The following MEIOSIN variants were observed in gnomAD, a reference collection of about 807,000 sequenced individuals.
The protein encoded by MEIOSIN is meiosis initiator.
MEIOSIN carries 18 observed loss-of-function variants against 23.4 expected under a neutral mutation model. The ratio of observed to expected loss-of-function variants is 0.77; its 90% CI spans 0.53 to 1.14. The LOEUF is 1.14. Among genes scored for constraint, MEIOSIN ranks in the 50% most tolerant of loss-of-function variants. The pLI, the probability that MEIOSIN is intolerant of heterozygous loss-of-function variation, is 0.00. For missense variants in MEIOSIN, 428 were observed against 242.9 expected, an observed-to-expected ratio of 1.76 and a Z score of -5.07; for synonymous variants, 187 against 100.6, an observed-to-expected ratio of 1.86 and a Z score of -5.14.
At chr19:45,741,726 A>G (rs1240326232) in intron 3 of MEIOSIN, among the ~76,000 whole-genome samples, 1 of 152,104 alleles carries the variant, frequency 6.6e-6, no homozygotes, top group African/African-American at 2.4e-5. Flanking sequence ...CCAACCAACC[A>G]ACCAACCAAT....
At position 45,750,764 on chromosome 19, in the gene MEIOSIN, C is replaced by T; in HGVS notation, c.396C>T (p.Thr132=). ...AAKALFKCHI[T]TGEGGLAGLG... is the part of the protein sequence containing the mutation. ...AGGCCTTGTTCAAATGCCACATCAC[C>T]ACTGGGGAAGGTGGACTTGCGGGTA... Residue 132 remains threonine (T), a synonymous_variant, in exon 5 of 15, where the codon ACC becomes ACT. Coordinates refer to ENST00000457052, the MANE Select transcript of MEIOSIN (RefSeq NM_001310124.2). 1 of 639,744 alleles carries T rather than the reference C, an allele frequency of 1.6e-6. No individual in the cohort carries two copies. The highest frequency in any genetic ancestry group is 1.8e-5 in the South Asian group (1 of 56,574). The allele number at this position is 639,744 out of a possible 1,614,324, so 39.6% of individuals were successfully genotyped here.
At chr19:45,736,354 GTCTT>G (rs1375360033) in intron 2 of MEIOSIN, among the ~76,000 whole-genome samples, 5 of 151,892 alleles carry the variant, frequency 3.3e-5, no homozygotes, top group Admixed American at 2.6e-4. Flanking sequence ...CATTCTGAGT[GTCTT>G]TCTTTCTTTC....
chr19:45,762,677 G>A (rs1169855825), intron 13 of MEIOSIN, among the ~76,000 whole-genome samples: 3 of 152,202 alleles, frequency 2.0e-5, no homozygotes, highest in Non-Finnish European at 2.9e-5. Flanking sequence ...CTCACCTCAA[G>A]TGATCTGCCT....
chr19:45,751,734 CTT>C (rs35105394), intron 5 of MEIOSIN, among the ~76,000 whole-genome samples: 90 of 139,542 alleles, frequency 6.4e-4, no homozygotes, highest in Admixed American at 7.2e-4. Flanking sequence ...TTCTTTCTTT[CTT>C]TTTTTTTTTT....
At chr19:45,744,495 C>T (rs1039890434) in intron 3 of MEIOSIN, among the ~76,000 whole-genome samples, 1 of 151,770 alleles carries the variant, frequency 6.6e-6, no homozygotes, top group Non-Finnish European at 1.5e-5. Flanking sequence ...GTTTTTGAGA[C>T]GGAGTTTGTT....
rs1968957006 is a variant in MEIOSIN at position 45,762,089 on chromosome 19, GAGA to G, written c.1593_1595del (p.Lys532del). On this transcript the variant is annotated inframe_deletion, in exon 13 of 15. Transcript: ENST00000457052. ...AGCCAGGGCCCCTGTGAAGCCCAAG[GAGA>G]AGAAGAAAGGCCCCTGCCCACCCCA... is the stretch of plus-strand genomic sequence containing the variant. The G allele has an allele frequency of 8.9e-6, 4 of 451,382 alleles. No individual in the cohort carries two copies. The highest frequency in any genetic ancestry group is 4.0e-5 in the African/African-American group (2 of 50,090). The allele number at this position is 451,382 out of a possible 1,614,324, so 28.0% of individuals were successfully genotyped here.
In MEIOSIN at chr19:45,754,681, G is replaced by C. The variant is rs768979514; in HGVS notation, c.759G>C (p.Thr253=). The C allele has an allele frequency of 4.3e-6, 3 of 703,078 alleles. No individual in the cohort carries two copies. In the South Asian group the frequency reaches 4.4e-5, roughly 10 times the overall value. The allele number at this position is 703,078 out of a possible 1,614,324, so 43.6% of individuals were successfully genotyped here. The change falls in exon 7 of 15, where the codon ACG becomes ACC. Residue 253 remains threonine (T), a synonymous_variant. Coordinates refer to ENST00000457052, the MANE Select transcript of MEIOSIN (RefSeq NM_001310124.2). Reference sequence around the variant, plus strand: ...GAAAAGGAGGACAGTCCCAGCTGACGCTGTTGGATCTGGCCGAGGACACCA... The same window carrying C: ...GAAAAGGAGGACAGTCCCAGCTGACCCTGTTGGATCTGGCCGAGGACACCA... ...GDRKGGQSQL[T]LLDLAEDTIH...
chr19:45,750,140 A>G (rs1968672157), intron 4 of MEIOSIN, among the ~76,000 whole-genome samples: 1 of 144,180 alleles, frequency 6.9e-6, no homozygotes, highest in East Asian at 2.3e-4. Flanking sequence ...ACCCACCCCA[A>G]CAATTCTTCA....
At chr19:45,738,127 A>G (rs1192201243) in intron 2 of MEIOSIN, among the ~76,000 whole-genome samples, 1 of 152,122 alleles carries the variant, frequency 6.6e-6, no homozygotes, top group Non-Finnish European at 1.5e-5. Flanking sequence ...TATAGAGGGA[A>G]TTTTCACAGC....
At chr19:45,743,830 AT>A (rs1041463377) in intron 3 of MEIOSIN, among the ~76,000 whole-genome samples, 19 of 150,444 alleles carry the variant, frequency 1.3e-4, no homozygotes, top group African/African-American at 4.6e-4. Context: ...CCAACTTTTT[AT>A]TTTTTCATAA....
intron 3 of MEIOSIN, 108 bp downstream of exon 3, chr19:45,739,838 A>G (rs1218533862): frequency 3.1e-6 from 2 of 637,480 alleles, no homozygotes; most frequent in African/African-American, 3.7e-5. Context: ...CTGTACACAC[A>G]TGCTTTCTTT....
In MEIOSIN at chr19:45,761,837, C is replaced by CTCCA. The variant is rs1300283358; in HGVS notation, c.1404_1405insTCCA (p.Asp469SerfsTer45). On this transcript the variant is annotated frameshift_variant, in exon 12 of 15. Transcript: ENST00000457052. LOFTEE classifies it high-confidence loss of function. ...GCTCCAGCTCCAGCTCGGAGGACAG[C>CTCCA]GACTCGGAGCCCCTGTGGAAGCAGC... The CTCCA allele has an allele frequency of 1.7e-6, 1 of 594,368 alleles. No individual in the cohort carries two copies. The highest frequency in any genetic ancestry group is 2.1e-5 in the South Asian group (1 of 46,844). 36.8% of individuals were successfully genotyped at this position (594,368 alleles called of 1,614,324 possible). A position where few individuals can be genotyped will look rare whatever the true frequency, so the allele number is the denominator to read the frequency against.
Position 45,756,168 on chromosome 19 carries a change from G to A in MEIOSIN, c.911+90G>A, listed in dbSNP as rs766424494. ...GTAGTGGGAAGACAGGCCAAGTCACGTCCTCTGCGGGTGCCCCTTGAGCAC... is the reference window on the plus strand; with the variant it reads ...GTAGTGGGAAGACAGGCCAAGTCACATCCTCTGCGGGTGCCCCTTGAGCAC... On this transcript the variant is annotated intron_variant, in intron 8 of 14. Coordinates refer to ENST00000457052, the MANE Select transcript of MEIOSIN (RefSeq NM_001310124.2). 1.2e-5 allele frequency: 8 copies of A among 661,336 alleles called. No individual in the cohort carries two copies. The South Asian group carries it at 1.3e-4, about 11-fold the overall frequency. 41.0% of individuals were successfully genotyped at this position (661,336 alleles called of 1,614,324 possible).
chr19:45,759,568 C>A, intron 11 of MEIOSIN, 78 bp downstream of exon 11: 1 of 689,456 alleles, frequency 1.5e-6, no homozygotes, highest in Non-Finnish European at 2.7e-6. Context: ...TTCATTCACT[C>A]ATCCACTCCC....
intron 8 of MEIOSIN, 89 bp from the exon 9 acceptor site, chr19:45,757,088 C>G: frequency 1.5e-6 from 1 of 652,246 alleles, no homozygotes; most frequent in South Asian, 1.7e-5. Flanking sequence ...AGCACTCCCC[C>G]AGGGGCCAGT....
rs977637984 is a variant in MEIOSIN, at chr19:45,752,209, A to G, written c.418+1423A>G. Among the ~76,000 whole-genome samples, 3 of 150,946 alleles carry G rather than the reference A, an allele frequency of 2.0e-5. No individual in the cohort carries two copies. The East Asian group carries it at 5.9e-4, about 29-fold the overall frequency. Reference sequence around the variant, plus strand: ...CTTGTACTACAGGCACGTGCCACCAATATCCAGATAATTTTCTTTTTTTTG... The same window carrying G: ...CTTGTACTACAGGCACGTGCCACCAGTATCCAGATAATTTTCTTTTTTTTG... On this transcript the variant is annotated intron_variant, in intron 5 of 14. Transcript: ENST00000457052.
At chr19:45,758,157 C>A (rs1407758435) in intron 9 of MEIOSIN, among the ~76,000 whole-genome samples, 1 of 151,952 alleles carries the variant, frequency 6.6e-6, no homozygotes, top group African/African-American at 2.4e-5. Context: ...CCACGCCTAG[C>A]AAATTTTTAT....
chr19:45,741,100 A>C (rs1968497002), intron 3 of MEIOSIN, among the ~76,000 whole-genome samples: 1 of 152,268 alleles, frequency 6.6e-6, no homozygotes, highest in South Asian at 2.1e-4. Flanking sequence ...CTGTAATCCC[A>C]GCACTTTAGG....
chr19:45,752,916 C>T (rs1600385498), intron 5 of MEIOSIN, among the ~76,000 whole-genome samples: 2 of 118,660 alleles, frequency 1.7e-5, no homozygotes, highest in African/African-American at 7.1e-5. Context: ...ATAGTTTCTT[C>T]TTCTTTTTTT....
Sources: gnomAD v4.1 joint callset for allele counts (sites outside exome capture counted in the v4.1 genomes callset) on GRCh38, gnomAD v4.1.1 for gene constraint, MANE v1.5 for transcripts, NCBI Gene and HGNC (gene_info 2026-07-23, HGNC 2026-07-21) for gene names.